TP53BP1: variants seen among roughly 807,000 people sequenced by gnomAD.
TP53BP1 encodes tumor protein p53 binding protein 1, also known as TP53-binding protein 1.
A neutral mutation model predicts 200.8 loss-of-function variants in TP53BP1; 61 were observed. The ratio of observed to expected loss-of-function variants is 0.30; its 90% confidence interval spans 0.25 to 0.38. The LOEUF (loss-of-function observed/expected upper bound fraction) is 0.38, where lower values mean the gene tolerates loss of function less well. TP53BP1 is among the 10% of genes least tolerant of loss of function. The pLI is 1.00. For missense variants in TP53BP1, 2,144 were observed against 2,371.9 expected (o/e 0.90, Z 2.00); for synonymous variants, 822 against 844.3 (o/e 0.97, Z 0.46).
At position 43,416,456 on chromosome 15, in the gene TP53BP1, T is replaced by C. The variant is rs543967411; in HGVS notation, c.4682-40A>G. ...GCATAAAAGAAGCTTGCTGTTGTCT[T>C]AGGCTCCTTAGCACCCTCTCACAAG... is the stretch of plus-strand genomic sequence containing the variant. On this transcript the variant is annotated intron_variant, in intron 21 of 27. Coordinates refer to ENST00000382044, the MANE Select transcript of TP53BP1 (RefSeq NM_001141980.3). 1.0e-5 allele frequency: 16 copies of C among 1,592,610 alleles called. No homozygotes were observed. The Admixed American group carries it at 1.7e-4, about 17-fold the overall frequency.
intron 17 of TP53BP1, 54 bp downstream of exon 17, chr15:43,432,140 G>GA: frequency 1.3e-6 from 2 of 1,558,180 alleles, no homozygotes; most frequent in Non-Finnish European, 1.7e-6. Context: ...AATTCTCTGA[G>GA]AATCCTGAAA....
chr15:43,413,286 T>C lies in TP53BP1; in HGVS notation c.5138A>G (p.Asn1713Ser). Residue 1713 changes from asparagine to serine, a missense_variant, in exon 24 of 28, where the codon AAC becomes AGC. Physicochemically the swap from Asn to Ser is conservative, Grantham distance 46. Around this residue, in one of 4 missense-constraint regions of TP53BP1, gnomAD observed 334 missense variants for 453.4 expected, o/e 0.74. Coordinates refer to ENST00000382044, the MANE Select transcript of TP53BP1 (RefSeq NM_001141980.3). ...TTCCAGGGCAGAGGGTTCACCGGTG[T>C]TGTCTCCACTCTCACAGGGGCTCAC... ...EFVSPCESGD[N>S]TGEPSALEEQ... 1 of 1,614,002 alleles carries C rather than the reference T, an allele frequency of 6.2e-7. No individual in the cohort carries two copies. The highest frequency in any genetic ancestry group is 8.5e-7 in the Non-Finnish European group (1 of 1,179,952).
chr15:43,407,678 G>A, intron 27 of TP53BP1, 108 bp from the exon 28 acceptor site: 1 of 1,090,136 alleles, frequency 9.2e-7, no homozygotes, highest in Non-Finnish European at 1.3e-6. Context: ...ACAAACCAAA[G>A]CCCTATTATG....
chr15:43,432,783 A>C, intron 16 of TP53BP1, 106 bp from the exon 17 acceptor site: 1 of 1,250,730 alleles, frequency 8.0e-7, no homozygotes, highest in Non-Finnish European at 1.1e-6. Context: ...GGGGAGCCAT[A>C]TTTTGACAAT....
chr15:43,470,665 A>AAC (rs937697267), intron 10 of TP53BP1, among the ~76,000 whole-genome samples: 1 of 152,030 alleles, frequency 6.6e-6, no homozygotes, highest in South Asian at 2.1e-4. Context: ...ATTAGGAGGG[A>AAC]ACACACACAC....
intron 1 of TP53BP1, among the ~76,000 whole-genome samples, chr15:43,500,236 C>T (rs1258390327): frequency 1.3e-5 from 2 of 152,168 alleles, no homozygotes; most frequent in African/African-American, 2.4e-5. Context: ...CCACCTGCAG[C>T]CTTCCCCATC....
intron 11 of TP53BP1, among the ~76,000 whole-genome samples, chr15:43,468,364 G>C (rs1281233866): frequency 2.0e-5 from 3 of 152,068 alleles, no homozygotes; most frequent in African/African-American, 7.2e-5. Flanking sequence ...TGGCAACATA[G>C]TGATACCCCG....
intron 12 of TP53BP1, among the ~76,000 whole-genome samples, chr15:43,451,058 A>T (rs1441541534): frequency 1.3e-5 from 2 of 152,096 alleles, no homozygotes; most frequent in Non-Finnish European, 2.9e-5. Flanking sequence ...ATCTTTTTTT[A>T]AAATCAATAA....
At chr15:43,503,583 C>T (rs573487218) in intron 1 of TP53BP1, among the ~76,000 whole-genome samples, 51 of 152,136 alleles carry the variant, frequency 3.4e-4, no homozygotes, top group African/African-American at 1.1e-3. Flanking sequence ...TGTTTGAACC[C>T]GGGAGGCGGA....
intron 10 of TP53BP1, 25 bp downstream of exon 10, chr15:43,474,648 C>A: frequency 6.6e-7 from 1 of 1,522,700 alleles, no homozygotes; most frequent in Non-Finnish European, 9.1e-7. Flanking sequence ...AATCTGAGAT[C>A]AACAGACAGA....
chr15:43,477,607 T>C lies in TP53BP1; in HGVS notation c.941A>G (p.Gln314Arg), dbSNP rs748207825. The C allele has an allele frequency of 1.9e-6, 3 of 1,610,368 alleles. No homozygotes were observed. In the East Asian group the frequency reaches 6.7e-5, roughly 36 times the overall value. Residue 314 changes from glutamine to arginine, a missense_variant, in exon 8 of 28, where the codon CAG becomes CGG. Gln to Arg is a conservative substitution (Grantham distance 43, BLOSUM62 1). Around this residue, in one of 4 missense-constraint regions of TP53BP1, gnomAD observed 1,700 missense variants for 1,710.3 expected, o/e 0.99. Coordinates refer to ENST00000382044, the MANE Select transcript of TP53BP1 (RefSeq NM_001141980.3). ...VLSTQEDLFDQSNKTVSSDGC... is the reference protein window; with the variant it reads ...VLSTQEDLFDRSNKTVSSDGC... The stretch of plus-strand genomic sequence containing the variant: ...ACTCTTGGTACCTGTTTTATTGCTC[T>C]GGTCAAACAAGTCTTCCTGAGTTGA...
chr15:43,448,026 G>A (rs1179601251), intron 12 of TP53BP1, among the ~76,000 whole-genome samples: 2 of 152,154 alleles, frequency 1.3e-5, no homozygotes, highest in Non-Finnish European at 2.9e-5. Flanking sequence ...ATACTGACTG[G>A]TTCTAGCATA....
intron 11 of TP53BP1, among the ~76,000 whole-genome samples, chr15:43,462,143 C>T (rs979617780): frequency 8.3e-4 from 113 of 135,752 alleles, no homozygotes; most frequent in Middle Eastern, 3.8e-3. Flanking sequence ...ACCAGCCTGA[C>T]CAACAAGGTG....
chr15:43,431,024 C>A (rs2142997550), intron 17 of TP53BP1, among the ~76,000 whole-genome samples: 1 of 152,150 alleles, frequency 6.6e-6, no homozygotes, highest in Middle Eastern at 3.4e-3. Context: ...GCAAGCAATG[C>A]AATACCATGA....
intron 21 of TP53BP1, among the ~76,000 whole-genome samples, chr15:43,418,816 C>T (rs1008900037): frequency 2.6e-5 from 4 of 152,216 alleles, no homozygotes; most frequent in Non-Finnish European, 2.9e-5. Flanking sequence ...CTAAAAACTT[C>T]TCCCTAAGCA....
intron 7 of TP53BP1, among the ~76,000 whole-genome samples, chr15:43,478,445 T>C (rs2078914965): frequency 6.6e-6 from 1 of 151,994 alleles, no homozygotes; most frequent in Non-Finnish European, 1.5e-5. Flanking sequence ...TATTCAACTT[T>C]GCTTAGGACA....
chr15:43,479,100 G>A (rs1030660916), intron 7 of TP53BP1, among the ~76,000 whole-genome samples: 14 of 152,094 alleles, frequency 9.2e-5, no homozygotes, highest in Non-Finnish European at 1.3e-4. Flanking sequence ...AATGCCTAAA[G>A]ATAAGATTAG....
At chr15:43,418,905 G>T (rs2045328492) in intron 21 of TP53BP1, among the ~76,000 whole-genome samples, 1 of 152,164 alleles carries the variant, frequency 6.6e-6, no homozygotes, top group Non-Finnish European at 1.5e-5. Flanking sequence ...TATGGAAAGG[G>T]AAAAACACTA....
At position 43,454,770 on chromosome 15, in the gene TP53BP1, T is replaced by A. The variant is rs531142661; in HGVS notation, c.2716+1122A>T. On this transcript the variant is annotated intron_variant, in intron 12 of 27. Coordinates refer to ENST00000382044, the MANE Select transcript of TP53BP1 (RefSeq NM_001141980.3). ...TTTGGGAAACAGAGTCTCACTCTGT[T>A]GCCCAGGCTGCAATGCAGTGGCGTG... Among the ~76,000 whole-genome samples, 65 of 152,304 alleles carry A rather than the reference T, an allele frequency of 4.3e-4. No homozygotes were observed. In the South Asian group the frequency reaches 0.013, roughly 31 times the overall value.
Sources: allele counts gnomAD v4.1 joint callset (sites outside exome capture counted in the v4.1 genomes callset), GRCh38; gene constraint gnomAD v4.1.1; regional missense constraint gnomAD v4.1.1; transcripts MANE v1.5; gene names NCBI Gene and HGNC (gene_info 2026-07-23, HGNC 2026-07-21).